DNAJC1: variants seen among roughly 807,000 people sequenced by gnomAD.
DNAJC1 encodes dnaJ homolog subfamily C member 1.
Under a neutral mutation model 76.6 loss-of-function variants are expected in DNAJC1, and 58 were observed. That is an observed-to-expected ratio of 0.76 (90% CI 0.61 to 0.94). The LOEUF (loss-of-function observed/expected upper bound fraction) is 0.94. DNAJC1 is among the 40% of genes least tolerant of loss of function. The pLI is 0.00. For missense variants in DNAJC1, 689 were observed against 677.3 expected, an observed-to-expected ratio of 1.02 and a Z score of -0.19; for synonymous variants, 258 against 267.9, an observed-to-expected ratio of 0.96 and a Z score of 0.36.
rs930256964 is a variant in DNAJC1 at position 21,765,082 on chromosome 10, T to G, written c.1147+1179A>C. On this transcript the variant is annotated intron_variant, in intron 10 of 11. Coordinates refer to ENST00000376980, the MANE Select transcript of DNAJC1 (RefSeq NM_022365.4). Reference sequence around the variant, plus strand: ...AATGGTATGATTTTGGAGAATGTCTTGAAGTAGGCTTCTGTCATATAACAT... The same window carrying G: ...AATGGTATGATTTTGGAGAATGTCTGGAAGTAGGCTTCTGTCATATAACAT... Among the ~76,000 whole-genome samples, 12 of 152,212 alleles carry G rather than the reference T, an allele frequency of 7.9e-5. 1 individual carries two copies. The highest frequency in any genetic ancestry group is 2.9e-5 in the Non-Finnish European group (2 of 68,038).
At chr10:21,946,738 A>G (rs1368553753) in intron 1 of DNAJC1, among the ~76,000 whole-genome samples, 2 of 152,226 alleles carry the variant, frequency 1.3e-5, no homozygotes, top group Non-Finnish European at 1.5e-5. Flanking sequence ...AACTTTGCTC[A>G]TAATAGCCCC....
At chr10:21,952,259 T>C (rs1837610688) in intron 1 of DNAJC1, among the ~76,000 whole-genome samples, 1 of 152,216 alleles carries the variant, frequency 6.6e-6, no homozygotes, top group Admixed American at 6.5e-5. Context: ...AGTTATACCT[T>C]TTTTCAACAT....
intron 3 of DNAJC1, among the ~76,000 whole-genome samples, chr10:21,924,626 A>G (rs1346008930): frequency 6.6e-6 from 1 of 152,222 alleles, no homozygotes; most frequent in African/African-American, 2.4e-5. Flanking sequence ...CAAGTTAGCT[A>G]AAGAGTTTAG....
At chr10:21,778,994 A>G (rs1317527414) in intron 9 of DNAJC1, among the ~76,000 whole-genome samples, 4 of 152,220 alleles carry the variant, frequency 2.6e-5, no homozygotes, top group African/African-American at 9.6e-5. Flanking sequence ...AGCCTCGCTC[A>G]TCGCTAGCAC....
intron 8 of DNAJC1, among the ~76,000 whole-genome samples, chr10:21,837,611 G>A (rs1397891087): frequency 4.3e-4 from 65 of 149,904 alleles, no homozygotes; most frequent in Non-Finnish European, 8.8e-4. Context: ...CCCCATCTGA[G>A]AAGTGAGGAG....
chr10:21,805,833 A>T, intron 9 of DNAJC1, 147 bp downstream of exon 9: 1 of 962,114 alleles, frequency 1.0e-6, no homozygotes, highest in Non-Finnish European at 1.5e-6. Context: ...CTTCTCACTT[A>T]TTGCATTAAT....
At chr10:21,953,801 A>G (rs1216897506) in intron 1 of DNAJC1, among the ~76,000 whole-genome samples, 1 of 150,020 alleles carries the variant, frequency 6.7e-6, no homozygotes, top group East Asian at 1.9e-4. Flanking sequence ...ATCAAGTGGT[A>G]AAAAACTAAA....
chr10:21,917,363 T>G (rs1018312326), intron 6 of DNAJC1, among the ~76,000 whole-genome samples: 1 of 152,120 alleles, frequency 6.6e-6, no homozygotes, highest in Non-Finnish European at 1.5e-5. Context: ...CCAAATAAAT[T>G]TTATTTCAAA....
intron 8 of DNAJC1, among the ~76,000 whole-genome samples, chr10:21,853,846 T>A (rs1835791495): frequency 6.7e-6 from 1 of 149,200 alleles, no homozygotes; most frequent in Non-Finnish European, 1.5e-5. Context: ...GCTTTTCTGG[T>A]TCATCCATTT....
At chr10:21,823,222 T>C in intron 8 of DNAJC1, among the ~76,000 whole-genome samples, 1 of 152,168 alleles carries the variant, frequency 6.6e-6, no homozygotes, top group East Asian at 1.9e-4. Context: ...CTTAGATGAA[T>C]TATGAGCTTA....
intron 9 of DNAJC1, among the ~76,000 whole-genome samples, chr10:21,772,900 C>A (rs904218433): frequency 7.9e-5 from 12 of 152,110 alleles, no homozygotes; most frequent in Admixed American, 7.9e-4. Flanking sequence ...AACTTACAAT[C>A]ACGGCAGAAG....
chr10:21,758,962 T>A (rs2131614896), intron 11 of DNAJC1, among the ~76,000 whole-genome samples: 1 of 151,622 alleles, frequency 6.6e-6, no homozygotes, highest in South Asian at 2.1e-4. Flanking sequence ...AAACTTAGAA[T>A]CTTGAGCTCA....
chr10:21,889,897 A>G (rs939349970), intron 7 of DNAJC1, among the ~76,000 whole-genome samples: 3 of 152,206 alleles, frequency 2.0e-5, no homozygotes, highest in Non-Finnish European at 4.4e-5. Context: ...ACCACCCAGC[A>G]TAAGAGCAAA....
At chr10:21,849,889 T>G (rs761030644) in intron 8 of DNAJC1, among the ~76,000 whole-genome samples, 10 of 152,084 alleles carry the variant, frequency 6.6e-5, no homozygotes, top group Non-Finnish European at 1.3e-4. Context: ...TCTCAATTGA[T>G]GCAGAAAAAC....
In DNAJC1 at chr10:21,863,918, A is replaced by G. The variant is rs924114947; in HGVS notation, c.978+18364T>C. On this transcript the variant is annotated intron_variant, in intron 8 of 11. Coordinates refer to ENST00000376980, the MANE Select transcript of DNAJC1 (RefSeq NM_022365.4). ...CTTTCAAGATCAAGAATAAGACAAAATGGCCAGGTGAGGTGGCTCAGGCCT... is the reference window on the plus strand; with the variant it reads ...CTTTCAAGATCAAGAATAAGACAAAGTGGCCAGGTGAGGTGGCTCAGGCCT... Among the ~76,000 whole-genome samples the G allele has an allele frequency of 3.9e-5, 6 of 152,144 alleles. 1 individual carries two copies. Among genetic ancestry groups the G allele is most frequent in the African/African-American group, 1.4e-4 (6 of 41,404 alleles).
intron 9 of DNAJC1, among the ~76,000 whole-genome samples, chr10:21,782,446 G>A (rs556717432): frequency 6.6e-6 from 1 of 152,184 alleles, no homozygotes; most frequent in South Asian, 2.1e-4. Flanking sequence ...ATTCACAGCC[G>A]AATTCTACCA....
intron 10 of DNAJC1, among the ~76,000 whole-genome samples, chr10:21,762,617 T>A (rs1027365116): frequency 2.6e-5 from 4 of 152,200 alleles, no homozygotes; most frequent in Non-Finnish European, 5.9e-5. Flanking sequence ...AAAGTGTTAC[T>A]TATTTATCTG....
chr10:21,788,314 C>A (rs144700091), intron 9 of DNAJC1, among the ~76,000 whole-genome samples: 1 of 152,318 alleles, frequency 6.6e-6, no homozygotes, highest in Non-Finnish European at 1.5e-5. Flanking sequence ...CAGTCACACC[C>A]CTTTAGGCCA....
intron 8 of DNAJC1, among the ~76,000 whole-genome samples, chr10:21,880,035 T>C (rs1024435008): frequency 7.2e-5 from 11 of 152,252 alleles, no homozygotes; most frequent in African/African-American, 2.7e-4. Flanking sequence ...CTCAATCCTT[T>C]GTTGTCATTT....
Sources: gnomAD v4.1 joint callset for allele counts (sites outside exome capture counted in the v4.1 genomes callset) on GRCh38, gnomAD v4.1.1 for gene constraint, MANE v1.5 for transcripts, NCBI Gene and HGNC (gene_info 2026-07-23, HGNC 2026-07-21) for gene names.